The following WDR72 variants were observed in gnomAD, a reference collection of about 807,000 sequenced individuals.
The protein encoded by WDR72 is WD repeat-containing protein 72.
Under a neutral mutation model 124.2 loss-of-function variants are expected in WDR72, and 120 were observed. The ratio of observed to expected loss-of-function variants is 0.97; its 90% CI spans 0.83 to 1.12. The LOEUF is 1.12. Ranked by LOEUF, WDR72 falls within the 50% of genes most tolerant of loss-of-function variation. The pLI is 0.00. For missense variants in WDR72, 1,387 were observed against 1,278.8 expected (o/e 1.08, Z -1.29); for synonymous variants, 452 against 441.7 (o/e 1.02, Z -0.29).
rs778180014 is a variant in WDR72 at position 53,711,438 on chromosome 15, C to G, written c.755G>C (p.Ser252Thr). Residue 252 changes from serine to threonine, a missense_variant, in exon 8 of 20, where the codon AGT (serine) becomes ACT (threonine). Coordinates refer to ENST00000360509, the MANE Select transcript of WDR72 (RefSeq NM_182758.4). ...ACCAGCAAAGAACTGCCCATTTCTA[C>G]TAACTTCAGTCAGCAGAAGGGAAAA... is the stretch of plus-strand genomic sequence containing the variant. ...CDFSLLLTEV[S>T]RNGQFFAGGE... 1 of 1,614,078 alleles carries G rather than the reference C, an allele frequency of 6.2e-7. No homozygotes were observed. The highest frequency in any genetic ancestry group is 1.3e-5 in the African/African-American group (1 of 74,984).
intron 14 of WDR72, among the ~76,000 whole-genome samples, chr15:53,628,207 A>G (rs2014285342): frequency 6.6e-6 from 1 of 152,186 alleles, no homozygotes; most frequent in Non-Finnish European, 1.5e-5. Flanking sequence ...ATTCTAGTTA[A>G]TCTTCAAGTT....
intron 18 of WDR72, among the ~76,000 whole-genome samples, chr15:53,564,467 T>C (rs1894228890): frequency 1.3e-5 from 2 of 151,850 alleles, no homozygotes; most frequent in Non-Finnish European, 2.9e-5. Context: ...ATTATTATTA[T>C]TTTTATTTCC....
At chr15:53,519,935 T>C (rs1371988172) in intron 19 of WDR72, among the ~76,000 whole-genome samples, 1 of 152,108 alleles carries the variant, frequency 6.6e-6, no homozygotes, top group Non-Finnish European at 1.5e-5. Flanking sequence ...TTCAAGCCCA[T>C]TGTATTCAGA....
Position 53,759,661 on chromosome 15 carries a change from G to C in WDR72, c.-41C>G, listed in dbSNP as rs972108211. 1 of 152,352 alleles carries C rather than the reference G, an allele frequency of 6.6e-6. No homozygotes were observed. Among genetic ancestry groups the C allele is most frequent in the East Asian group, 1.9e-4 (1 of 5,166 alleles). The allele number at this position is 152,352 out of a possible 1,614,324, so 9.4% of individuals were successfully genotyped here. ...AGCCGTGGGGCGGAGGAGCGGCAGAGGCCAGGCAGGCTGGCGGGTCTCGCC... is the reference window on the plus strand; with the variant it reads ...AGCCGTGGGGCGGAGGAGCGGCAGACGCCAGGCAGGCTGGCGGGTCTCGCC... On this transcript the variant is annotated 5_prime_UTR_variant, in exon 1 of 20. Coordinates refer to ENST00000360509, the MANE Select transcript of WDR72 (RefSeq NM_182758.4).
At chr15:53,569,770 A>G (rs1051879484) in intron 18 of WDR72, among the ~76,000 whole-genome samples, 1 of 152,056 alleles carries the variant, frequency 6.6e-6, no homozygotes, top group African/African-American at 2.4e-5. Flanking sequence ...CCCCCCTAGA[A>G]TGTCAGTATG....
At chr15:53,712,597 C>CA (rs1402222504) in intron 7 of WDR72, among the ~76,000 whole-genome samples, 175 bp downstream of exon 7, 13 of 124,394 alleles carry the variant, frequency 1.0e-4, no homozygotes, top group African/African-American at 3.3e-4. Flanking sequence ...TGTCAACCAC[C>CA]CCACCGCCAA....
chr15:53,630,724 G>T (rs2014392902), intron 14 of WDR72, among the ~76,000 whole-genome samples: 1 of 152,144 alleles, frequency 6.6e-6, no homozygotes, highest in Non-Finnish European at 1.5e-5. Flanking sequence ...CTGATAGAGG[G>T]TATCTGTGGA....
chr15:53,717,056 G>C (rs540895192), intron 3 of WDR72, among the ~76,000 whole-genome samples: 9 of 151,962 alleles, frequency 5.9e-5, no homozygotes, highest in Non-Finnish European at 1.2e-4. Flanking sequence ...AAATCACAAT[G>C]CATCAAGCGC....
At chr15:53,540,756 CCAGA>C (rs1407185637) in intron 18 of WDR72, 1 of 155,630 alleles carries the variant, frequency 6.4e-6, no homozygotes, top group Non-Finnish European at 1.4e-5. Flanking sequence ...CTAGGGAGTG[CCAGA>C]CAGTGGGCGC....
intron 16 of WDR72, among the ~76,000 whole-genome samples, chr15:53,610,754 A>G (rs2013504885): frequency 1.3e-5 from 2 of 152,098 alleles, no homozygotes; most frequent in South Asian, 4.1e-4. Flanking sequence ...CAAGAACACT[A>G]TATAAAACAT....
intron 18 of WDR72, among the ~76,000 whole-genome samples, chr15:53,543,556 T>C (rs559521087): frequency 4.5e-4 from 67 of 149,300 alleles, no homozygotes; most frequent in South Asian, 1.5e-3. Flanking sequence ...AGATCCAAAA[T>C]TGACACCCTA....
intron 18 of WDR72, among the ~76,000 whole-genome samples, chr15:53,547,204 C>G (rs1036100093): frequency 6.6e-6 from 1 of 152,184 alleles, no homozygotes; most frequent in Non-Finnish European, 1.5e-5. Flanking sequence ...TGCAATTAAG[C>G]CAAATGGAAA....
intron 14 of WDR72, among the ~76,000 whole-genome samples, chr15:53,626,462 G>T (rs1308779185): frequency 2.0e-5 from 3 of 152,190 alleles, no homozygotes; most frequent in African/African-American, 7.2e-5. Context: ...GGTCTGCGAG[G>T]CGGCAAAGAA....
intron 2 of WDR72, among the ~76,000 whole-genome samples, chr15:53,725,086 A>C (rs908446843): frequency 5.3e-5 from 8 of 152,264 alleles, no homozygotes; most frequent in African/African-American, 1.4e-4. Context: ...AAAATACACA[A>C]AGAACTCTTA....
rs1395466740 is a variant in WDR72, at chr15:53,730,036, A to G, written c.153+2961T>C. On this transcript the variant is annotated intron_variant, in intron 2 of 19. Coordinates refer to ENST00000360509, the MANE Select transcript of WDR72 (RefSeq NM_182758.4). ...TCTCAGTATGTACCCAAAAGAGTTG[A>G]AAGCAAGGATACAAACTGTTATGTG... Among the ~76,000 whole-genome samples, 4 of 152,234 alleles carry G rather than the reference A, an allele frequency of 2.6e-5. No individual in the cohort carries two copies. The South Asian group carries it at 6.2e-4, about 24-fold the overall frequency.
intron 14 of WDR72, among the ~76,000 whole-genome samples, chr15:53,648,566 C>T (rs1235567990): frequency 6.6e-6 from 1 of 151,976 alleles, no homozygotes; most frequent in Non-Finnish European, 1.5e-5. Context: ...TTAAGTAGAC[C>T]AAAGGACAAA....
intron 1 of WDR72, among the ~76,000 whole-genome samples, chr15:53,750,895 C>A (rs1436470956): frequency 6.6e-6 from 1 of 152,166 alleles, no homozygotes; most frequent in Non-Finnish European, 1.5e-5. Context: ...GGATGAGAAG[C>A]TGCTTCTTAT....
chr15:53,748,474 G>T (rs535184094), intron 1 of WDR72, among the ~76,000 whole-genome samples: 18 of 152,090 alleles, frequency 1.2e-4, no homozygotes, highest in Non-Finnish European at 2.2e-4. Context: ...CACATTAAAA[G>T]AAATACTTGT....
At chr15:53,664,505 T>C (rs1014858105) in intron 14 of WDR72, among the ~76,000 whole-genome samples, 2 of 151,674 alleles carry the variant, frequency 1.3e-5, no homozygotes, top group African/African-American at 4.9e-5. Flanking sequence ...TTCTTGATGA[T>C]GACACATTAT....
Sources: gnomAD v4.1 joint callset for allele counts (sites outside exome capture counted in the v4.1 genomes callset) on GRCh38, gnomAD v4.1.1 for gene constraint, MANE v1.5 for transcripts, NCBI Gene and HGNC (gene_info 2026-07-23, HGNC 2026-07-21) for gene names.